SMAP2: variants seen among roughly 807,000 people sequenced by gnomAD.
SMAP2 encodes the protein small ArfGAP2.
A neutral mutation model predicts 56.4 loss-of-function variants in SMAP2; 25 were observed. The ratio of observed to expected loss-of-function variants is 0.44; its 90% CI spans 0.32 to 0.62. The LOEUF (loss-of-function observed/expected upper bound fraction) is 0.62. Ranked by LOEUF, SMAP2 falls within the 20% of genes least tolerant of loss-of-function variation. SMAP2 has a pLI of 0.04. For synonymous variants in SMAP2, 157 were observed against 181.7 expected (o/e 0.86, Z 1.09); for missense variants, 388 against 545.6 (o/e 0.71, Z 2.88).
At chr1:40,357,808 A>G (rs978073764) in intron 1 of SMAP2, among the ~76,000 whole-genome samples, 2 of 152,134 alleles carry the variant, frequency 1.3e-5, no homozygotes, top group African/African-American at 2.4e-5. Context: ...TGCCAATGCC[A>G]TGCTGTTTTG....
At chr1:40,414,261 C>T in intron 6 of SMAP2, 21 bp downstream of exon 6, 5 of 1,608,012 alleles carry the variant, frequency 3.1e-6, no homozygotes, top group East Asian at 2.2e-5. Flanking sequence ...GACTTTTCAG[C>T]TTCCATGTTC....
intron 1 of SMAP2, among the ~76,000 whole-genome samples, chr1:40,379,984 C>A (rs1644581515): frequency 6.6e-6 from 1 of 152,170 alleles, no homozygotes; most frequent in South Asian, 2.1e-4. Flanking sequence ...TTGCTTATTG[C>A]AGCTTGGTGA....
intron 1 of SMAP2, 26 bp from the exon 2 acceptor site, chr1:40,406,710 T>C: frequency 6.3e-7 from 1 of 1,599,744 alleles, no homozygotes; most frequent in Non-Finnish European, 8.5e-7. Flanking sequence ...ATTTGTACTT[T>C]ATTGCCCTGT....
rs776478814 is a variant in SMAP2, at chr1:40,374,089, C to T, written c.-32C>T. The stretch of plus-strand genomic sequence containing the variant: ...GGGGTCTCTGGGGGCGAGGAGGGCG[C>T]GTCGCCCTCTGCCCCCGCCGGCACC... On this transcript the variant is annotated 5_prime_UTR_variant, in exon 1 of 10. Transcript: ENST00000372718. This position sits in a 1 kb window ranked among gnomAD's most constrained non-coding sequence, Gnocchi z 5.9. 6.5e-7 allele frequency: 1 copy of T among 1,532,772 alleles called. No homozygotes were observed. Among genetic ancestry groups the T allele is most frequent in the South Asian group, 1.1e-5 (1 of 87,190 alleles). The allele number at this position is 1,532,772 out of a possible 1,614,324, so 94.9% of individuals were successfully genotyped here. A position where few individuals can be genotyped will look rare whatever the true frequency, so the allele number is the denominator to read the frequency against.
chr1:40,395,352 A>C (rs528501474), intron 1 of SMAP2, among the ~76,000 whole-genome samples: 3 of 152,292 alleles, frequency 2.0e-5, no homozygotes, highest in Middle Eastern at 3.4e-3. Flanking sequence ...TGGGAGAGAC[A>C]ACAAGGAAGA....
At chr1:40,376,870 C>T (rs773776811) in intron 1 of SMAP2, among the ~76,000 whole-genome samples, 5 of 152,234 alleles carry the variant, frequency 3.3e-5, no homozygotes, top group Non-Finnish European at 7.4e-5. Context: ...AGACTATCGA[C>T]CTATGAGCAG....
In SMAP2 at chr1:40,393,210, C is replaced by CT; in HGVS notation, c.104-13526_104-13525insT. ...GCGTGGTAGCACATGCCTGTAGTCCCAGCTACTCAAGAAGCTGAGGTGGGA... is the reference window on the plus strand; with the variant it reads ...GCGTGGTAGCACATGCCTGTAGTCCCTAGCTACTCAAGAAGCTGAGGTGGGA... On this transcript the variant is annotated intron_variant, in intron 1 of 9. Coordinates refer to ENST00000372718, the MANE Select transcript of SMAP2 (RefSeq NM_022733.3). 6.1e-6 allele frequency: 6 copies of CT among 979,404 alleles called. No homozygotes were observed. In the African/African-American group the frequency reaches 1.0e-4, roughly 16 times the overall value. The allele number at this position is 979,404 out of a possible 1,614,324, so 60.7% of individuals were successfully genotyped here.
chr1:40,379,180 C>T (rs1483070043), intron 1 of SMAP2, among the ~76,000 whole-genome samples: 1 of 151,982 alleles, frequency 6.6e-6, no homozygotes, highest in South Asian at 2.1e-4. Context: ...CCATGTTGGT[C>T]AGGCTGGCCT....
intron 1 of SMAP2, among the ~76,000 whole-genome samples, chr1:40,347,262 T>TTTA: frequency 6.7e-6 from 1 of 149,930 alleles, no homozygotes; most frequent in African/African-American, 2.5e-5. Flanking sequence ...TTTTTTTTTT[T>TTTA]TTTTTTAAAG....
In SMAP2 at chr1:40,364,497, C is replaced by T. The variant is rs1644471638; in HGVS notation, c.55+2061C>T. ...GTGATTCATGCCTGTAATCCCAGCA[C>T]TTTGGGAGGCCAAGGCAGGAGGATC... On this transcript the variant is annotated intron_variant, in intron 2 of 6. Coordinates refer to the SMAP2 transcript ENST00000435168. Among the ~76,000 whole-genome samples, 3 of 152,316 alleles carry T rather than the reference C, an allele frequency of 2.0e-5. No individual in the cohort carries two copies. The South Asian group carries it at 6.2e-4, about 32-fold the overall frequency.
chr1:40,370,795 A>G (rs1644493076), upstream of SMAP2, among the ~76,000 whole-genome samples: 1 of 144,108 alleles, frequency 6.9e-6, no homozygotes, highest in Non-Finnish European at 1.5e-5. Flanking sequence ...AGCATGGCAC[A>G]TGTATACATA....
intron 1 of SMAP2, among the ~76,000 whole-genome samples, chr1:40,381,747 G>A (rs569336527): frequency 1.1e-4 from 16 of 152,244 alleles, no homozygotes; most frequent in Admixed American, 2.6e-4. Flanking sequence ...AGTATTGTAG[G>A]TCCACCTGCT....
intron 9 of SMAP2, among the ~76,000 whole-genome samples, chr1:40,417,376 TACAA>T (rs1644999773): frequency 6.6e-6 from 1 of 152,078 alleles, no homozygotes; most frequent in Admixed American, 6.5e-5. Context: ...AGAAACCCTG[TACAA>T]ACAATGAATG....
Position 40,386,909 on chromosome 1 carries a change from T to G in SMAP2, c.103+12686T>G, listed in dbSNP as rs1644662539. Among the ~76,000 whole-genome samples, 1 of 146,718 alleles carries G rather than the reference T, an allele frequency of 6.8e-6. No individual in the cohort carries two copies. Among genetic ancestry groups the G allele is most frequent in the Non-Finnish European group, 1.5e-5 (1 of 67,400 alleles). On this transcript the variant is annotated intron_variant, in intron 1 of 9. Transcript: ENST00000372718. The surrounding 1 kb of genome is among the most constrained non-coding windows in gnomAD (Gnocchi z 4.1). ...TCTCGCTCCGTCGCCCAAGCTGGAG[T>G]ACAGTGGCACGATCTCAGCTCACTG...
At chr1:40,410,583 T>C (rs1644925647) in intron 4 of SMAP2, among the ~76,000 whole-genome samples, 1 of 152,204 alleles carries the variant, frequency 6.6e-6, no homozygotes, top group African/African-American at 2.4e-5. Context: ...CAGCATTACC[T>C]GCTGATAACC....
chr1:40,398,545 T>G (rs1355021319), intron 1 of SMAP2, among the ~76,000 whole-genome samples: 1 of 152,270 alleles, frequency 6.6e-6, no homozygotes, highest in African/African-American at 2.4e-5. Flanking sequence ...AATTCCTTAA[T>G]GTAACCTATT....
At chr1:40,419,417 A>AT (rs1423381037) in intron 9 of SMAP2, among the ~76,000 whole-genome samples, 1 of 151,492 alleles carries the variant, frequency 6.6e-6, no homozygotes, top group Non-Finnish European at 1.5e-5. Flanking sequence ...AGTAGCTGGG[A>AT]TTACAGGCAC....
chr1:40,409,964 C>G (rs1286683173), intron 4 of SMAP2, 129 bp downstream of exon 4: 38 of 639,362 alleles, frequency 5.9e-5, no homozygotes, highest in Non-Finnish European at 6.1e-5. Context: ...AAAAGTAGAC[C>G]AGGTGTGGTG....
intron 1 of SMAP2, among the ~76,000 whole-genome samples, chr1:40,379,870 A>G (rs1644580348): frequency 6.6e-6 from 1 of 152,146 alleles, no homozygotes; most frequent in Non-Finnish European, 1.5e-5. Context: ...AAAGTGTCCT[A>G]GGCCCATAGA....
Sources: gnomAD v4.1 joint callset for allele counts (sites outside exome capture counted in the v4.1 genomes callset) on GRCh38, gnomAD v4.1.1 for gene constraint, Gnocchi (gnomAD v3.1) non-coding constraint, MANE v1.5 for transcripts, NCBI Gene and HGNC (gene_info 2026-07-23, HGNC 2026-07-21) for gene names.